STON1: variants seen among roughly 807,000 people sequenced by gnomAD.
The protein encoded by STON1 is stonin 1.
Under a neutral mutation model 60.9 loss-of-function variants are expected in STON1, and 79 were observed. The observed-to-expected ratio is 1.30, with a 90% CI of 1.08 to 1.56. STON1 has a LOEUF of 1.56. Ranked by LOEUF, STON1 falls within the 40% of genes most tolerant of loss-of-function variation. STON1 has a pLI of 0.00. For synonymous variants in STON1, 363 were observed against 306.9 expected, an observed-to-expected ratio of 1.18 and a Z score of -1.91; for missense variants, 1,166 against 858.9, an observed-to-expected ratio of 1.36 and a Z score of -4.47.
At chr2:48,556,235 C>G (rs1201067155) in intron 1 of STON1, among the ~76,000 whole-genome samples, 1 of 33,920 alleles carries the variant, frequency 2.9e-5, no homozygotes, top group Non-Finnish European at 6.6e-5. Flanking sequence ...CCCCACCTCC[C>G]TCCCGGACGG....
chr2:48,549,537 C>T (rs1358742026), intron 1 of STON1, among the ~76,000 whole-genome samples: 1 of 152,088 alleles, frequency 6.6e-6, no homozygotes, highest in Non-Finnish European at 1.5e-5. Context: ...CTAGGCCGGG[C>T]GCGGTGGCTC....
At chr2:48,536,683 C>T (rs187195880) in intron 1 of STON1, among the ~76,000 whole-genome samples, 80 of 151,488 alleles carry the variant, frequency 5.3e-4, no homozygotes, top group Admixed American at 3.7e-3. Flanking sequence ...TTTATATAAA[C>T]GTTAGTTTGT....
intron 1 of STON1, among the ~76,000 whole-genome samples, chr2:48,532,177 G>A (rs1047040292): frequency 6.6e-6 from 1 of 151,868 alleles, no homozygotes; most frequent in African/African-American, 2.4e-5. Context: ...ATGAAACCCC[G>A]TCTCTATTAA....
chr2:48,534,396 G>A (rs1671343562), intron 1 of STON1, among the ~76,000 whole-genome samples: 1 of 152,158 alleles, frequency 6.6e-6, no homozygotes, highest in Non-Finnish European at 1.5e-5. Context: ...GGAATCAAGT[G>A]TTGAATTCAG....
rs1674750673 is a variant in STON1 at position 48,595,522 on chromosome 2, T to C, written c.*220T>C. ...AGGGGTTCGATCTAAAATGTTTCTATAATTCGTGTGATGTTTTGCTTCCTA... is the reference window on the plus strand; with the variant it reads ...AGGGGTTCGATCTAAAATGTTTCTACAATTCGTGTGATGTTTTGCTTCCTA... On this transcript the variant is annotated 3_prime_UTR_variant, in exon 4 of 4. Transcript: ENST00000404752. 1 of 488,856 alleles carries C rather than the reference T, an allele frequency of 2.0e-6. No individual in the cohort carries two copies. The highest frequency in any genetic ancestry group is 2.0e-5 in the African/African-American group (1 of 50,150). 30.3% of individuals were successfully genotyped at this position (488,856 alleles called of 1,614,324 possible).
intron 1 of STON1, among the ~76,000 whole-genome samples, chr2:48,549,671 G>T (rs934569771): frequency 4.6e-5 from 7 of 152,004 alleles, no homozygotes; most frequent in Non-Finnish European, 1.5e-5. Flanking sequence ...AATTACCCGG[G>T]TGTGGTGATG....
At chr2:48,565,701 T>A (rs1212051635) in intron 1 of STON1, among the ~76,000 whole-genome samples, 1 of 152,124 alleles carries the variant, frequency 6.6e-6, no homozygotes, top group East Asian at 1.9e-4. Flanking sequence ...TCCTCCTGAC[T>A]GGAGAAAGCA....
At chr2:48,562,054 T>C (rs1381975175) in intron 1 of STON1, among the ~76,000 whole-genome samples, 1 of 152,054 alleles carries the variant, frequency 6.6e-6, no homozygotes, top group East Asian at 1.9e-4. Context: ...AGAAACGGGG[T>C]TCTACCACGT....
intron 1 of STON1, among the ~76,000 whole-genome samples, chr2:48,541,680 C>T (rs1188171499): frequency 1.2e-5 from 1 of 81,982 alleles, no homozygotes; most frequent in Non-Finnish European, 2.2e-5. Context: ...TCCTGGGTGA[C>T]AAGAGTGAAA....
At position 48,597,151 on chromosome 2, in the gene STON1, C is replaced by A. The variant is rs1674816321; in HGVS notation, c.*1849C>A. 6.6e-6 allele frequency: 1 copy of A among 152,280 alleles called. No individual in the cohort carries two copies. The highest frequency in any genetic ancestry group is 2.4e-5 in the African/African-American group (1 of 41,450). The allele number at this position is 152,280 out of a possible 1,614,324, so 9.4% of individuals were successfully genotyped here. A position where few individuals can be genotyped will look rare whatever the true frequency, so the allele number is the denominator to read the frequency against. ...TAAATGCGTGAGCCACCATGCCCGG[C>A]CGCTATTGCTCTTTTTAACTTCATT... On this transcript the variant is annotated 3_prime_UTR_variant, in exon 4 of 4. Transcript: ENST00000404752.
At chr2:48,534,904 T>C (rs1289179025) in intron 1 of STON1, among the ~76,000 whole-genome samples, 1 of 152,102 alleles carries the variant, frequency 6.6e-6, no homozygotes, top group South Asian at 2.1e-4. Flanking sequence ...TGGTAACTGC[T>C]CCAGATTTAG....
chr2:48,533,399 A>G (rs1325780496), intron 1 of STON1, among the ~76,000 whole-genome samples: 2 of 151,944 alleles, frequency 1.3e-5, no homozygotes, highest in Non-Finnish European at 1.5e-5. Flanking sequence ...AAGAAAAAAA[A>G]AGATGTAGGC....
chr2:48,589,711 C>T lies in STON1; in HGVS notation c.1931-1942C>T, dbSNP rs1431643081. On this transcript the variant is annotated intron_variant, in intron 2 of 3. Transcript: ENST00000404752. ...TCTTCAATTTTCATCGTAAAATTTC[C>T]CCAAATAATTTTTTCTTATAAAGTG... Among the ~76,000 whole-genome samples the T allele has an allele frequency of 3.3e-5, 5 of 152,078 alleles. No homozygotes were observed. In the East Asian group the frequency reaches 9.6e-4, roughly 29 times the overall value.
intron 1 of STON1, among the ~76,000 whole-genome samples, chr2:48,551,987 A>G (rs527356770): frequency 1.8e-4 from 28 of 152,012 alleles, no homozygotes; most frequent in Non-Finnish European, 3.7e-4. Context: ...TTTTGGGTGG[A>G]CTCTCCAGGT....
At chr2:48,594,562 G>T (rs947969521) in intron 3 of STON1, among the ~76,000 whole-genome samples, 27 of 151,932 alleles carry the variant, frequency 1.8e-4, no homozygotes, top group Admixed American at 2.6e-4. Flanking sequence ...ATAGTTAGTA[G>T]ATAAATAAAT....
chr2:48,558,645 A>G (rs1320142814), intron 1 of STON1, among the ~76,000 whole-genome samples: 2 of 152,116 alleles, frequency 1.3e-5, no homozygotes, highest in Non-Finnish European at 2.9e-5. Context: ...ACTGGCGTTA[A>G]CTGGCACATA....
chr2:48,577,251 A>G (rs1012427974), intron 1 of STON1, among the ~76,000 whole-genome samples: 1 of 151,436 alleles, frequency 6.6e-6, no homozygotes, highest in Non-Finnish European at 1.5e-5. Context: ...GCCAAGACCA[A>G]TGTTATGAAG....
At position 48,591,919 on chromosome 2, in the gene STON1, T is replaced by C. The variant is rs1674537818; in HGVS notation, c.2133+64T>C. ...CTTTAAATATTTGTTTTGCTGTCTT[T>C]TGTGATCGTGTATGTGTTGTGTGTG... On this transcript the variant is annotated intron_variant, in intron 3 of 3. Transcript: ENST00000404752. 10 of 1,562,226 alleles carry C rather than the reference T, an allele frequency of 6.4e-6. No homozygotes were observed. In the East Asian group the frequency reaches 2.3e-4, roughly 36 times the overall value.
At position 48,597,527 on chromosome 2, in the gene STON1, C is replaced by T. The variant is rs553900343; in HGVS notation, c.*2225C>T. The T allele has an allele frequency of 1.3e-5, 2 of 152,444 alleles. No homozygotes were observed. Among genetic ancestry groups the T allele is most frequent in the African/African-American group, 4.8e-5 (2 of 41,578 alleles). 9.4% of individuals were successfully genotyped at this position (152,444 alleles called of 1,614,324 possible). A position where few individuals can be genotyped will look rare whatever the true frequency, so the allele number is the denominator to read the frequency against. On this transcript the variant is annotated 3_prime_UTR_variant, in exon 4 of 4. Coordinates refer to ENST00000404752, the MANE Select transcript of STON1 (RefSeq NM_006873.4). ...GTTCACTTAGTTGCCCCTCATGCTTCACAGGTTGACTAGTATCTGTGGGTA... is the reference window on the plus strand; with the variant it reads ...GTTCACTTAGTTGCCCCTCATGCTTTACAGGTTGACTAGTATCTGTGGGTA...
Sources: allele counts gnomAD v4.1 joint callset (sites outside exome capture counted in the v4.1 genomes callset), GRCh38; gene constraint gnomAD v4.1.1; transcripts MANE v1.5; gene names NCBI Gene and HGNC (gene_info 2026-07-23, HGNC 2026-07-21).